The following RELN variants were observed in gnomAD, a reference collection of about 807,000 sequenced individuals.
RELN encodes reelin.
RELN carries 108 observed loss-of-function variants against 427.6 expected under a neutral mutation model. That is an observed-to-expected ratio of 0.25 (90% CI 0.22 to 0.30). The LOEUF (loss-of-function observed/expected upper bound fraction) is 0.30, where lower values mean the gene tolerates loss of function less well. Among genes scored for constraint, RELN ranks in the 10% least tolerant of loss-of-function variants. RELN has a pLI of 1.00. For synonymous variants in RELN, 1,524 were observed against 1,513.4 expected, an observed-to-expected ratio of 1.01 and a Z score of -0.16; for missense variants, 3,715 against 4,302.8, an observed-to-expected ratio of 0.86 and a Z score of 3.82.
chr7:103,966,887 C>T (rs936002984), intron 1 of RELN, among the ~76,000 whole-genome samples: 5 of 152,204 alleles, frequency 3.3e-5, no homozygotes, highest in African/African-American at 7.2e-5. Context: ...CTTCTCCAAA[C>T]TGCCAATGCT....
At chr7:103,492,479 A>G (rs1300954367) in intron 57 of RELN, among the ~76,000 whole-genome samples, 3 of 152,206 alleles carry the variant, frequency 2.0e-5, no homozygotes, top group Non-Finnish European at 4.4e-5. Flanking sequence ...CTGTATTTCC[A>G]TATCAATGAA....
At chr7:103,973,574 T>G (rs1796807885) in intron 1 of RELN, among the ~76,000 whole-genome samples, 3 of 152,014 alleles carry the variant, frequency 2.0e-5, no homozygotes. Flanking sequence ...TTGCCAAAAT[T>G]TAAAATATGT....
intron 51 of RELN, among the ~76,000 whole-genome samples, chr7:103,507,902 A>G (rs1829269501): frequency 6.6e-6 from 1 of 152,208 alleles, no homozygotes; most frequent in Non-Finnish European, 1.5e-5. Context: ...AATACTATAA[A>G]CACCTCTATG....
chr7:103,555,681 C>T (rs1442765690), intron 38 of RELN, among the ~76,000 whole-genome samples: 6 of 152,070 alleles, frequency 3.9e-5, no homozygotes, highest in Admixed American at 3.9e-4. Context: ...TCATGTTGGC[C>T]AGGCTGGTCT....
At chr7:103,558,690 G>A (rs541908163) in intron 36 of RELN, among the ~76,000 whole-genome samples, 1 of 152,290 alleles carries the variant, frequency 6.6e-6, no homozygotes, top group South Asian at 2.1e-4. Flanking sequence ...ACTATTTCTG[G>A]TTGCCTAGGA....
At chr7:103,699,375 A>T (rs1834044089) in intron 9 of RELN, among the ~76,000 whole-genome samples, 1 of 152,164 alleles carries the variant, frequency 6.6e-6, no homozygotes, top group Non-Finnish European at 1.5e-5. Context: ...CTATGCTTTT[A>T]GCTTCAAAAA....
chr7:103,521,169 C>T (rs1188897270), intron 48 of RELN, among the ~76,000 whole-genome samples: 47 of 149,176 alleles, frequency 3.2e-4, no homozygotes, highest in Non-Finnish European at 5.3e-4. Context: ...TTAGTAGAGA[C>T]GGGGTTTCAC....
chr7:103,591,812 G>A (rs1453076558), intron 27 of RELN, among the ~76,000 whole-genome samples: 1 of 152,100 alleles, frequency 6.6e-6, no homozygotes, highest in Non-Finnish European at 1.5e-5. Flanking sequence ...ACTCTCAGCT[G>A]TATTAAACAT....
At chr7:103,598,411 C>T (rs757296840) in intron 24 of RELN, among the ~76,000 whole-genome samples, 2 of 152,108 alleles carry the variant, frequency 1.3e-5, no homozygotes, top group Non-Finnish European at 2.9e-5. Context: ...CCGATCATTA[C>T]AGGAAGAATG....
At chr7:103,509,055 A>G (rs535384079) in intron 51 of RELN, among the ~76,000 whole-genome samples, 2 of 152,366 alleles carry the variant, frequency 1.3e-5, no homozygotes, top group African/African-American at 4.8e-5. Flanking sequence ...GGAAGAACCA[A>G]TATCGTGAAA....
intron 57 of RELN, among the ~76,000 whole-genome samples, chr7:103,493,401 A>G (rs1169517889): frequency 1.3e-5 from 2 of 152,206 alleles, no homozygotes; most frequent in Non-Finnish European, 2.9e-5. Flanking sequence ...AGGAGTTGGT[A>G]TGGTGAGGGA....
intron 47 of RELN, 148 bp from the exon 48 acceptor site, chr7:103,522,347 T>C (rs1271894481): frequency 2.7e-6 from 2 of 736,216 alleles, no homozygotes; most frequent in Non-Finnish European, 4.7e-6. Context: ...ACACCTGCTC[T>C]CCTTAACTGT....
At position 103,566,615 on chromosome 7, in the gene RELN, C is replaced by T; in HGVS notation, c.4733G>A (p.Trp1578Ter). The change falls in exon 32 of 65, where the codon TGG becomes TAG. Residue 1578 changes from tryptophan (W) to a stop codon, truncating the protein, a stop_gained. Coordinates refer to ENST00000428762, the MANE Select transcript of RELN (RefSeq NM_005045.4). LOFTEE classifies it high-confidence loss of function. ...AKTPATAFRW[W>*]QPQHGKHSAQ... ...CAGTAACTTACCATGTTGCGGTTGCCACCATCGAAATGCCGTTGCAGGTGT... is the reference window on the plus strand; with the variant it reads ...CAGTAACTTACCATGTTGCGGTTGCTACCATCGAAATGCCGTTGCAGGTGT... 6.2e-7 allele frequency: 1 copy of T among 1,614,158 alleles called. No individual in the cohort carries two copies. Among genetic ancestry groups the T allele is most frequent in the Non-Finnish European group, 8.5e-7 (1 of 1,180,026 alleles).
At chr7:103,845,243 T>C (rs187110842) in intron 2 of RELN, among the ~76,000 whole-genome samples, 237 of 152,106 alleles carry the variant, frequency 1.6e-3, no homozygotes, top group Non-Finnish European at 2.7e-3. Flanking sequence ...CAGGCTGGAG[T>C]GCAGTGGTAC....
At chr7:103,971,779 T>A (rs1433324111) in intron 1 of RELN, among the ~76,000 whole-genome samples, 1 of 152,108 alleles carries the variant, frequency 6.6e-6, no homozygotes, top group East Asian at 1.9e-4. Context: ...AAATAAACTT[T>A]AAAAAAATCT....
At chr7:103,579,311 A>T (rs766948308) in intron 28 of RELN, among the ~76,000 whole-genome samples, 1 of 152,178 alleles carries the variant, frequency 6.6e-6, no homozygotes, top group Non-Finnish European at 1.5e-5. Flanking sequence ...TTAGAAATAG[A>T]TCATAGGCCA....
At chr7:103,780,904 G>A (rs1413936891) in intron 3 of RELN, among the ~76,000 whole-genome samples, 2 of 152,048 alleles carry the variant, frequency 1.3e-5, no homozygotes, top group African/African-American at 4.8e-5. Flanking sequence ...GTATGCTACT[G>A]CCATAAAATT....
At chr7:103,796,107 A>G (rs1792292042) in intron 3 of RELN, among the ~76,000 whole-genome samples, 1 of 152,346 alleles carries the variant, frequency 6.6e-6, no homozygotes, top group South Asian at 2.1e-4. Context: ...TAATTTAAAT[A>G]TCCCTGGAGT....
intron 20 of RELN, among the ~76,000 whole-genome samples, chr7:103,616,082 C>T (rs923222377): frequency 1.3e-5 from 2 of 152,072 alleles, no homozygotes; most frequent in Non-Finnish European, 2.9e-5. Context: ...TCTTTAAGAG[C>T]GGTTTAGTAT....
Sources: gnomAD v4.1 joint callset for allele counts (sites outside exome capture counted in the v4.1 genomes callset) on GRCh38, gnomAD v4.1.1 for gene constraint, MANE v1.5 for transcripts, NCBI Gene and HGNC (gene_info 2026-07-23, HGNC 2026-07-21) for gene names.